The following NOSTRIN variants were observed in gnomAD, a reference collection of about 807,000 sequenced individuals.
NOSTRIN encodes the protein BM247 homolog.
In NOSTRIN, 63 loss-of-function variants were observed where a neutral mutation model predicts 59.0. The ratio of observed to expected loss-of-function variants is 1.07; its 90% confidence interval spans 0.87 to 1.32. The LOEUF (loss-of-function observed/expected upper bound fraction) is 1.32, where lower values mean the gene tolerates loss of function less well. Ranked by LOEUF, NOSTRIN falls within the 40% of genes most tolerant of loss-of-function variation. The pLI, the probability that NOSTRIN is intolerant of heterozygous loss-of-function variation, is 0.00. For missense variants in NOSTRIN, 512 were observed against 473.1 expected, an observed-to-expected ratio of 1.08 and a Z score of -0.76; for synonymous variants, 200 against 165.4, an observed-to-expected ratio of 1.21 and a Z score of -1.61.
chr2:168,795,893 C>T (rs1411156347), upstream of NOSTRIN, among the ~76,000 whole-genome samples: 1 of 152,178 alleles, frequency 6.6e-6, no homozygotes, highest in Admixed American at 6.5e-5. Context: ...CTCATAAGTG[C>T]TTCTAAGTTG....
upstream of NOSTRIN, among the ~76,000 whole-genome samples, chr2:168,801,953 C>T (rs954404717): frequency 3.3e-5 from 5 of 152,116 alleles, no homozygotes; most frequent in East Asian, 3.8e-4. Flanking sequence ...GGTTAATGTA[C>T]GCTTTGCTCC....
At chr2:168,789,104 G>T (rs1036718933) in intron 2 of NOSTRIN, among the ~76,000 whole-genome samples, 1 of 152,172 alleles carries the variant, frequency 6.6e-6, no homozygotes, top group Admixed American at 6.5e-5. Flanking sequence ...CCAAGAGGTG[G>T]GCAGGGAAAG....
chr2:168,849,066 C>A (rs1045489920), intron 8 of NOSTRIN, among the ~76,000 whole-genome samples: 1 of 152,166 alleles, frequency 6.6e-6, no homozygotes, highest in East Asian at 1.9e-4. Flanking sequence ...GGCCAATGGG[C>A]TCCTGTAGGA....
intron 15 of NOSTRIN, 133 bp from the exon 16 acceptor site, chr2:168,864,701 C>A: frequency 1.0e-6 from 1 of 961,568 alleles, no homozygotes; most frequent in Non-Finnish European, 1.6e-6. Flanking sequence ...CATTTGGCTT[C>A]ATCTGAATCA....
At chr2:168,828,355 G>C in intron 4 of NOSTRIN, 65 bp from the exon 5 acceptor site, 1 of 864,156 alleles carries the variant, frequency 1.2e-6, no homozygotes, top group South Asian at 1.3e-5. Flanking sequence ...TCCCCAGAAA[G>C]TAATTTGGAA....
At chr2:168,839,096 T>C (rs1687908947) in intron 7 of NOSTRIN, among the ~76,000 whole-genome samples, 1 of 152,176 alleles carries the variant, frequency 6.6e-6, no homozygotes, top group Non-Finnish European at 1.5e-5. Context: ...GGAAAAACTC[T>C]TTCATGTGGC....
At chr2:168,850,281 A>G (rs1688682375) in intron 8 of NOSTRIN, among the ~76,000 whole-genome samples, 1 of 152,178 alleles carries the variant, frequency 6.6e-6, no homozygotes, top group South Asian at 2.1e-4. Context: ...TTCCTACCTA[A>G]AAGTCATAAG....
In NOSTRIN at chr2:168,804,203, C is replaced by A. The variant is rs375895688; in HGVS notation, c.27+1530C>A. On this transcript the variant is annotated intron_variant, in intron 1 of 15. Coordinates refer to ENST00000317647, the MANE Select transcript of NOSTRIN (RefSeq NM_001039724.4). ...GAGAAATGTTTTCTTTCAGCAGCCC[C>A]CAAGGCAACCCATAACCACACTTCT... Among the ~76,000 whole-genome samples the A allele has an allele frequency of 6.6e-5, 10 of 152,298 alleles. No individual in the cohort carries two copies. In the East Asian group the frequency reaches 1.2e-3, roughly 18 times the overall value.
chr2:168,843,572 A>AGAC (rs1013202291), intron 8 of NOSTRIN, among the ~76,000 whole-genome samples: 59 of 152,270 alleles, frequency 3.9e-4, no homozygotes, highest in Admixed American at 1.5e-3. Context: ...TGGCAAAAGT[A>AGAC]GACACATAAA....
At chr2:168,817,165 C>T (rs1226963592) in intron 2 of NOSTRIN, among the ~76,000 whole-genome samples, 1 of 152,186 alleles carries the variant, frequency 6.6e-6, no homozygotes, top group Non-Finnish European at 1.5e-5. Context: ...AAAGATGATA[C>T]ATTTGGATTC....
chr2:168,864,811 T>A, intron 15 of NOSTRIN, 23 bp from the exon 16 acceptor site: 1 of 1,613,192 alleles, frequency 6.2e-7, no homozygotes, highest in Non-Finnish European at 8.5e-7. Flanking sequence ...CAGAGACCCA[T>A]TTGTCTAACT....
At chr2:168,847,446 G>T (rs965142472) in intron 8 of NOSTRIN, among the ~76,000 whole-genome samples, 8 of 152,138 alleles carry the variant, frequency 5.3e-5, no homozygotes, top group African/African-American at 1.9e-4. Context: ...TTATAAAGAG[G>T]GGTCTAGATA....
chr2:168,810,550 G>C (rs1474040298), intron 1 of NOSTRIN, among the ~76,000 whole-genome samples: 1 of 152,162 alleles, frequency 6.6e-6, no homozygotes, highest in African/African-American at 2.4e-5. Context: ...CAGTAAATGT[G>C]AATTTCCTTC....
At chr2:168,805,478 G>A (rs1028392956) in intron 1 of NOSTRIN, among the ~76,000 whole-genome samples, 6 of 152,340 alleles carry the variant, frequency 3.9e-5, no homozygotes, top group South Asian at 2.1e-4. Flanking sequence ...CAAGAAAGGC[G>A]AAGTAAGATC....
chr2:168,863,542 G>GGAATTCTCTTTATTT, intron 15 of NOSTRIN: 1 of 985,174 alleles, frequency 1.0e-6, no homozygotes, highest in South Asian at 4.7e-5. Flanking sequence ...AATTCTCTAT[G>GGAATTCTCTTTATTT]GAATTCTCTT....
chr2:168,799,797 C>T (rs1685568875), upstream of NOSTRIN, among the ~76,000 whole-genome samples: 1 of 152,232 alleles, frequency 6.6e-6, no homozygotes. Context: ...CTTGTCCTTG[C>T]TGCTTTATCT....
At chr2:168,800,481 C>A (rs1053797550), upstream of NOSTRIN, among the ~76,000 whole-genome samples, 2 of 151,996 alleles carry the variant, frequency 1.3e-5, no homozygotes, top group African/African-American at 2.4e-5. Flanking sequence ...GCTGCCCTTA[C>A]AACGGCCCAG....
Position 168,818,266 on chromosome 2 carries a change from G to A in NOSTRIN, c.114-6368G>A, listed in dbSNP as rs199984335. On this transcript the variant is annotated intron_variant, in intron 2 of 15. Transcript: ENST00000317647. ...ACTCCTGTGCTCGCGAACTCCTCTC[G>A]CCTCAGCCTCTCAAGTAGCTAGGAC... is the stretch of plus-strand genomic sequence containing the variant. 8.4e-4 allele frequency: 357 copies of A among 425,346 alleles called. 1 individual carries two copies. Among genetic ancestry groups the A allele is most frequent in the Non-Finnish European group, 1.5e-3 (321 of 209,272 alleles). 26.3% of individuals were successfully genotyped at this position (425,346 alleles called of 1,614,324 possible).
chr2:168,789,642 C>T (rs1050657448), intron 2 of NOSTRIN, among the ~76,000 whole-genome samples: 4 of 152,080 alleles, frequency 2.6e-5, no homozygotes, highest in Non-Finnish European at 4.4e-5. Flanking sequence ...GAGCCCAGCC[C>T]AGATTCAAAA....
Sources: gnomAD v4.1 joint callset for allele counts (sites outside exome capture counted in the v4.1 genomes callset) on GRCh38, gnomAD v4.1.1 for gene constraint, MANE v1.5 for transcripts, NCBI Gene and HGNC (gene_info 2026-07-23, HGNC 2026-07-21) for gene names.